The following CYYR1 variants were observed in gnomAD, a reference collection of about 807,000 sequenced individuals.
CYYR1 encodes cysteine and tyrosine-rich protein 1.
Under a neutral mutation model 15.2 loss-of-function variants are expected in CYYR1, and 14 were observed. That is an observed-to-expected ratio of 0.92 (90% CI 0.61 to 1.44). The LOEUF (loss-of-function observed/expected upper bound fraction) is 1.44. Ranked by LOEUF, CYYR1 falls within the 40% of genes most tolerant of loss-of-function variation. The pLI is 0.00. For synonymous variants in CYYR1, 80 were observed against 77.4 expected (o/e 1.03, Z -0.18); for missense variants, 228 against 209.5 (o/e 1.09, Z -0.54).
intron 2 of CYYR1, among the ~76,000 whole-genome samples, chr21:26,536,842 T>C (rs977461982): frequency 2.5e-4 from 38 of 152,292 alleles, no homozygotes; most frequent in African/African-American, 9.1e-4. Flanking sequence ...CTCTTTAGAC[T>C]TATTCTCAGC....
intron 2 of CYYR1, among the ~76,000 whole-genome samples, chr21:26,537,734 C>T (rs1051690755): frequency 1.3e-5 from 2 of 151,958 alleles, no homozygotes; most frequent in Admixed American, 6.6e-5. Context: ...TGCTATGGTC[C>T]GAATATTTGG....
At chr21:26,503,932 C>A (rs1283668291) in intron 2 of CYYR1, among the ~76,000 whole-genome samples, 1 of 152,054 alleles carries the variant, frequency 6.6e-6, no homozygotes, top group Admixed American at 6.6e-5. Flanking sequence ...AAAAACTATT[C>A]AAAAAGGCTT....
intron 2 of CYYR1, among the ~76,000 whole-genome samples, chr21:26,485,576 C>G (rs1205649118): frequency 1.3e-5 from 2 of 152,058 alleles, no homozygotes; most frequent in Non-Finnish European, 2.9e-5. Flanking sequence ...TGGAATCATA[C>G]AGCATGTGAG....
At chr21:26,565,717 T>C (rs965086671) in intron 2 of CYYR1, among the ~76,000 whole-genome samples, 3 of 152,250 alleles carry the variant, frequency 2.0e-5, no homozygotes, top group Non-Finnish European at 4.4e-5. Flanking sequence ...TGTTTATCAC[T>C]TTGCATTACT....
chr21:26,483,887 C>T (rs1428844903), intron 2 of CYYR1, among the ~76,000 whole-genome samples: 1 of 151,992 alleles, frequency 6.6e-6, no homozygotes, highest in Non-Finnish European at 1.5e-5. Context: ...CAGTTTGGTG[C>T]TCATTTGACT....
chr21:26,542,294 T>TGTGTTC (rs1978624300), intron 2 of CYYR1, among the ~76,000 whole-genome samples: 1 of 142,786 alleles, frequency 7.0e-6, no homozygotes, highest in Non-Finnish European at 1.5e-5. Flanking sequence ...TGTGTGCGTG[T>TGTGTTC]GTGTGTGTGT....
At chr21:26,553,626 T>G (rs1176888199) in intron 2 of CYYR1, among the ~76,000 whole-genome samples, 1 of 152,170 alleles carries the variant, frequency 6.6e-6, no homozygotes, top group East Asian at 1.9e-4. Context: ...TTTCAAATTT[T>G]GTCTGGTTCC....
intron 2 of CYYR1, among the ~76,000 whole-genome samples, chr21:26,549,361 G>A (rs958949049): frequency 3.3e-5 from 5 of 152,134 alleles, no homozygotes; most frequent in African/African-American, 1.2e-4. Context: ...TATGAACATG[G>A]TTGGGAAGCC....
chr21:26,498,108 AG>A (rs2065431495), intron 2 of CYYR1, among the ~76,000 whole-genome samples: 1 of 152,234 alleles, frequency 6.6e-6, no homozygotes, highest in South Asian at 2.1e-4. Flanking sequence ...CACTTACTAC[AG>A]ATGAAGTACC....
chr21:26,513,701 T>C (rs995361699), intron 2 of CYYR1, among the ~76,000 whole-genome samples: 2 of 151,844 alleles, frequency 1.3e-5, no homozygotes, highest in African/African-American at 4.8e-5. Context: ...TTGTGGAGTT[T>C]AGCAAGGAGA....
intron 2 of CYYR1, among the ~76,000 whole-genome samples, chr21:26,519,846 C>G (rs995942583): frequency 3.3e-5 from 5 of 151,896 alleles, no homozygotes; most frequent in Admixed American, 6.6e-5. Flanking sequence ...GATCTAGAAC[C>G]AAGGATCATT....
chr21:26,542,687 ACT>A (rs1203183859), intron 2 of CYYR1, among the ~76,000 whole-genome samples: 1 of 152,140 alleles, frequency 6.6e-6, no homozygotes, highest in African/African-American at 2.4e-5. Flanking sequence ...AAGAAGTAAA[ACT>A]CTATTTGCAG....
chr21:26,492,728 T>A (rs141540521), intron 2 of CYYR1, among the ~76,000 whole-genome samples: 97 of 141,808 alleles, frequency 6.8e-4, no homozygotes, highest in African/African-American at 2.4e-3. Flanking sequence ...AAAAAAAAAA[T>A]CTCAAGGTCG....
chr21:26,497,669 A>G (rs1054363443), intron 2 of CYYR1, among the ~76,000 whole-genome samples: 1 of 152,202 alleles, frequency 6.6e-6, no homozygotes, highest in Non-Finnish European at 1.5e-5. Flanking sequence ...CTAGTGAAGT[A>G]TGACCCATAT....
rs372640557 is a variant in CYYR1 at position 26,543,171 on chromosome 21, A to G, written c.176+23095T>C. Among the ~76,000 whole-genome samples the G allele has an allele frequency of 4.6e-5, 7 of 152,204 alleles. No individual in the cohort carries two copies. The East Asian group carries it at 1.4e-3, about 29-fold the overall frequency. On this transcript the variant is annotated intron_variant, in intron 2 of 3. Coordinates refer to ENST00000652641, the MANE Select transcript of CYYR1 (RefSeq NM_001320768.2). Reference sequence around the variant, plus strand: ...GGACACAGGGAGGGGAACGGCACACACTGGAGTCTGTTGCGTGGTGGATGC... The same window carrying G: ...GGACACAGGGAGGGGAACGGCACACGCTGGAGTCTGTTGCGTGGTGGATGC...
chr21:26,526,617 G>A (rs222933), intron 2 of CYYR1, among the ~76,000 whole-genome samples: 2 of 151,998 alleles, frequency 1.3e-5, no homozygotes, highest in African/African-American at 4.8e-5. Flanking sequence ...AATAATTAAC[G>A]GTTTCAAAAG....
At chr21:26,563,096 A>C (rs1397512594) in intron 2 of CYYR1, among the ~76,000 whole-genome samples, 1 of 152,286 alleles carries the variant, frequency 6.6e-6, no homozygotes, top group South Asian at 2.1e-4. Context: ...TGATTCTCCT[A>C]TACTAAAGCC....
At position 26,523,558 on chromosome 21, in the gene CYYR1, C is replaced by A. The variant is rs141674024; in HGVS notation, c.176+42708G>T. Among the ~76,000 whole-genome samples the A allele has an allele frequency of 7.2e-5, 11 of 152,290 alleles. No individual in the cohort carries two copies. In the East Asian group the frequency reaches 1.9e-3, roughly 27 times the overall value. ...CTGACCTATGTCAACTTCTTTCTGC[C>A]TACTATCTCATTTTCTACCACTCAT... is the stretch of plus-strand genomic sequence containing the variant. On this transcript the variant is annotated intron_variant, in intron 2 of 3. Coordinates refer to ENST00000652641, the MANE Select transcript of CYYR1 (RefSeq NM_001320768.2).
At chr21:26,540,552 A>G (rs1978479067) in intron 2 of CYYR1, among the ~76,000 whole-genome samples, 6 of 152,156 alleles carry the variant, frequency 3.9e-5, no homozygotes, top group Admixed American at 3.9e-4. Context: ...TGACCTCTAC[A>G]CTATGCACGC....
Sources: allele counts gnomAD v4.1 joint callset (sites outside exome capture counted in the v4.1 genomes callset), GRCh38; gene constraint gnomAD v4.1.1; transcripts MANE v1.5; gene names NCBI Gene and HGNC (gene_info 2026-07-23, HGNC 2026-07-21).